The following GOLGA8G variants were observed in gnomAD, a reference collection of about 807,000 sequenced individuals.
The protein encoded by GOLGA8G is golgin A8 family member G.
A neutral mutation model predicts 12.8 loss-of-function variants in GOLGA8G; 1 was observed. The ratio of observed to expected loss-of-function variants is 0.08; its 90% CI spans 0.03 to 0.37. The LOEUF is 0.37. Ranked by LOEUF, GOLGA8G falls within the 10% of genes least tolerant of loss-of-function variation. GOLGA8G has a pLI of 0.99. For synonymous variants in GOLGA8G, 9 were observed against 36.7 expected, an observed-to-expected ratio of 0.25 and a Z score of 2.73; for missense variants, 12 against 97.4, an observed-to-expected ratio of 0.12 and a Z score of 3.69.
intron 13 of GOLGA8G, among the ~76,000 whole-genome samples, chr15:28,525,493 G>GT (rs1357415470): frequency 4.9e-5 from 3 of 60,980 alleles, no homozygotes; most frequent in African/African-American, 6.9e-5. Flanking sequence ...TTCTTTTTTT[G>GT]TTTTTTGTTT....
chr15:28,531,376 T>A (rs1220424536), intron 1 of GOLGA8G, among the ~76,000 whole-genome samples: 7 of 112,154 alleles, frequency 6.2e-5, no homozygotes, highest in African/African-American at 2.1e-4. Context: ...ACTCTGGGGT[T>A]TTACCAAGAA....
At chr15:28,526,601 C>T in intron 11 of GOLGA8G, 90 bp from the exon 12 acceptor site, 1 of 432,254 alleles carries the variant, frequency 2.3e-6, no homozygotes, top group Admixed American at 5.5e-5. Context: ...TCTTGGCGCA[C>T]AGCTCCTCTC....
chr15:28,531,865 AG>A (rs1255288810), intron 1 of GOLGA8G, among the ~76,000 whole-genome samples: 1 of 150,626 alleles, frequency 6.6e-6, no homozygotes, highest in African/African-American at 2.5e-5. Flanking sequence ...CACTGGCTGA[AG>A]GGCAGTCTGG....
rs1361134825 is a variant in GOLGA8G, at chr15:28,530,124, TTGAC to T, written c.317_320del (p.Ser106AsnfsTer2). On this transcript the variant is annotated frameshift_variant, in exon 4 of 19. Transcript: ENST00000525590. LOFTEE classifies it high-confidence loss of function. ...CCAAAGATTTGATGGTGTTCTTCAG[TTGAC>T]TGACTTTTACGGACCTCGAGTCTGG... 2.3e-6 allele frequency: 1 copy of T among 427,238 alleles called. No individual in the cohort carries two copies. The highest frequency in any genetic ancestry group is 4.2e-6 in the Non-Finnish European group (1 of 236,220). The allele number at this position is 427,238 out of a possible 1,614,324, so 26.5% of individuals were successfully genotyped here.
At position 28,526,578 on chromosome 15, in the gene GOLGA8G, G is replaced by A. The variant is rs1173344272; in HGVS notation, c.914-67C>T. On this transcript the variant is annotated intron_variant, in intron 11 of 18. Coordinates refer to ENST00000525590, the MANE Select transcript of GOLGA8G (RefSeq NM_001350919.3). ...AAAAAAAAAAGAAAAGAAAAGAAAA[G>A]AAAAAACCCTCCTCTTGGCGCACAG... is the stretch of plus-strand genomic sequence containing the variant. 41 of 635,702 alleles carry A rather than the reference G, an allele frequency of 6.4e-5. 9 individuals carry two copies. The highest frequency in any genetic ancestry group is 4.1e-4 in the Middle Eastern group (1 of 2,428). The allele number at this position is 635,702 out of a possible 1,614,324, so 39.4% of individuals were successfully genotyped here.
intron 13 of GOLGA8G, among the ~76,000 whole-genome samples, chr15:28,525,485 CT>C (rs1292572993): frequency 5.7e-3 from 275 of 48,284 alleles, no homozygotes; most frequent in African/African-American, 0.023. Flanking sequence ...ATTTTTCTTT[CT>C]TTTTTTGTTT....
At chr15:28,531,861 C>CTGA (rs1390710883) in intron 1 of GOLGA8G, among the ~76,000 whole-genome samples, 5 of 150,636 alleles carry the variant, frequency 3.3e-5, no homozygotes, top group Non-Finnish European at 7.4e-5. Context: ...AGACCACTGG[C>CTGA]TGAAGGGCAG....
intron 1 of GOLGA8G, 85 bp downstream of exon 1, chr15:28,532,741 G>T: frequency 3.7e-6 from 1 of 273,678 alleles, no homozygotes; most frequent in African/African-American, 2.1e-4. Flanking sequence ...GTGAACCTCG[G>T]GAGTGGTATG....
rs1383012555 is a variant in GOLGA8G, at chr15:28,520,443, C to CACCT, written c.*2126_*2129dup. On this transcript the variant is annotated 3_prime_UTR_variant, in exon 19 of 19. Coordinates refer to ENST00000525590, the MANE Select transcript of GOLGA8G (RefSeq NM_001350919.3). ...GCCAGTATGTGATTTAATCCACAGG[C>CACCT]ACCTGATGAACACATTATTGTCAGA... is the stretch of plus-strand genomic sequence containing the variant. The CACCT allele has an allele frequency of 6.9e-6, 1 of 145,430 alleles. No individual in the cohort carries two copies. Among genetic ancestry groups the CACCT allele is most frequent in the Non-Finnish European group, 1.5e-5 (1 of 66,366 alleles). 9.0% of individuals were successfully genotyped at this position (145,430 alleles called of 1,614,324 possible). A position where few individuals can be genotyped will look rare whatever the true frequency, so the allele number is the denominator to read the frequency against.
At position 28,520,627 on chromosome 15, in the gene GOLGA8G, A is replaced by AT. The variant is rs1212469019; in HGVS notation, c.*1945dup. The AT allele has an allele frequency of 1.0e-5, 1 of 97,092 alleles. No individual in the cohort carries two copies. Among genetic ancestry groups the AT allele is most frequent in the African/African-American group, 5.0e-5 (1 of 19,890 alleles). The allele number at this position is 97,092 out of a possible 1,614,324, so 6.0% of individuals were successfully genotyped here. On this transcript the variant is annotated 3_prime_UTR_variant, in exon 19 of 19. Transcript: ENST00000525590. ...AACTAGCCGCATTATTTGGTCTAACATTTTTTCTTTATCATTCTGAAACTG... is the reference window on the plus strand; with the variant it reads ...AACTAGCCGCATTATTTGGTCTAACATTTTTTTCTTTATCATTCTGAAACTG...
At position 28,520,516 on chromosome 15, in the gene GOLGA8G, CA is replaced by C. The variant is rs1355493011; in HGVS notation, c.*2056del. ...GTCTTTAAACTGAACTCAAAGAATG[CA>C]AAAACATCAAGTTCAGAAAATAAAA... is the stretch of plus-strand genomic sequence containing the variant. On this transcript the variant is annotated 3_prime_UTR_variant, in exon 19 of 19. Transcript: ENST00000525590. 3.7e-5 allele frequency: 5 copies of C among 133,482 alleles called. No individual in the cohort carries two copies. The allele number at this position is 133,482 out of a possible 1,614,324, so 8.3% of individuals were successfully genotyped here. A position where few individuals can be genotyped will look rare whatever the true frequency, so the allele number is the denominator to read the frequency against.
chr15:28,521,286 TCAAC>T lies in GOLGA8G; in HGVS notation c.*1283_*1286del. The T allele has an allele frequency of 7.8e-6, 1 of 128,332 alleles. No individual in the cohort carries two copies. The highest frequency in any genetic ancestry group is 1.6e-5 in the Non-Finnish European group (1 of 62,560). The allele number at this position is 128,332 out of a possible 1,614,324, so 7.9% of individuals were successfully genotyped here. On this transcript the variant is annotated 3_prime_UTR_variant, in exon 19 of 19. Coordinates refer to ENST00000525590, the MANE Select transcript of GOLGA8G (RefSeq NM_001350919.3). ...CTGTCTACTAAAACTCCTTTTTGTTTCAACTAAGCACTCTCACATATATTAGTTT... is the reference window on the plus strand; with the variant it reads ...CTGTCTACTAAAACTCCTTTTTGTTTTAAGCACTCTCACATATATTAGTTT...
At chr15:28,526,622 A>C (rs557471041) in intron 11 of GOLGA8G, 111 bp from the exon 12 acceptor site, 7 of 380,848 alleles carry the variant, frequency 1.8e-5, no homozygotes, top group Non-Finnish European at 2.9e-5. Flanking sequence ...CGGCTCCTCA[A>C]ACTTAGCCTC....
At chr15:28,525,615 TAA>T (rs1362124062) in intron 13 of GOLGA8G, among the ~76,000 whole-genome samples, 2 of 129,884 alleles carry the variant, frequency 1.5e-5, no homozygotes, top group Admixed American at 8.3e-5. Flanking sequence ...ACTATAGGCG[TAA>T]GCCACCGCAT....
At position 28,526,464 on chromosome 15, in the gene GOLGA8G, GCT is replaced by G. The variant is rs1177016922; in HGVS notation, c.959_960del (p.Glu320AlafsTer30). On this transcript the variant is annotated frameshift_variant, in exon 12 of 19. Transcript: ENST00000525590. LOFTEE classifies it high-confidence loss of function. Reference sequence around the variant, plus strand: ...TCTAGTTCCTTCCTCAGGTGCTGCAGCTCCACCTCAGAGGGCACTGCTGGGGG... The same window carrying G: ...TCTAGTTCCTTCCTCAGGTGCTGCAGCCACCTCAGAGGGCACTGCTGGGGG... ...PEPPAVPSEVELQHLRKELER... is the reference protein window; with the variant it reads ...PEPPAVPSEVXLQHLRKELER... The G allele has an allele frequency of 1.8e-6, 1 of 557,006 alleles. No individual in the cohort carries two copies. The highest frequency in any genetic ancestry group is 2.7e-6 in the Non-Finnish European group (1 of 369,746). 34.5% of individuals were successfully genotyped at this position (557,006 alleles called of 1,614,324 possible). A position where few individuals can be genotyped will look rare whatever the true frequency, so the allele number is the denominator to read the frequency against.
At chr15:28,526,556 A>G (rs755803175) in intron 11 of GOLGA8G, 45 bp from the exon 12 acceptor site, 1 of 714,458 alleles carries the variant, frequency 1.4e-6, no homozygotes, top group South Asian at 1.8e-5. Flanking sequence ...TTCCAAAAAA[A>G]AAAAAAGAAA....
chr15:28,525,674 TG>T (rs1196366060), intron 13 of GOLGA8G, among the ~76,000 whole-genome samples: 2 of 108,346 alleles, frequency 1.8e-5, no homozygotes, highest in Non-Finnish European at 3.6e-5. Context: ...CCCCTGTGAT[TG>T]GGGGGGCTCC....
intron 8 of GOLGA8G, among the ~76,000 whole-genome samples, chr15:28,528,140 T>TACAC (rs201463918): frequency 3.2e-5 from 1 of 31,018 alleles, no homozygotes; most frequent in Non-Finnish European, 4.8e-5. Flanking sequence ...TCATAATATG[T>TACAC]ACACACACAC....
chr15:28,527,131 CAGAA>C, intron 10 of GOLGA8G, 50 bp downstream of exon 10: 1 of 190,802 alleles, frequency 5.2e-6, no homozygotes, highest in Non-Finnish European at 9.2e-6. Flanking sequence ...TACAGGTGCC[CAGAA>C]AGATCCAGTG....
Sources: allele counts gnomAD v4.1 joint callset (sites outside exome capture counted in the v4.1 genomes callset), GRCh38; gene constraint gnomAD v4.1.1; transcripts MANE v1.5; gene names NCBI Gene and HGNC (gene_info 2026-07-23, HGNC 2026-07-21).